The following FREM1 variants were observed in gnomAD, a reference collection of about 807,000 sequenced individuals.
The protein encoded by FREM1 is FRAS1 related extracellular matrix 1.
FREM1 carries 220 observed loss-of-function variants against 210.1 expected under a neutral mutation model. The ratio of observed to expected loss-of-function variants is 1.05; its 90% CI spans 0.94 to 1.17. The LOEUF is 1.17. Among genes scored for constraint, FREM1 ranks in the 50% most tolerant of loss-of-function variants. FREM1 has a pLI of 0.00. For missense variants in FREM1, 3,454 were observed against 2,675.5 expected (o/e 1.29, Z -6.42); for synonymous variants, 1,189 against 980.2 (o/e 1.21, Z -3.98).
chr9:14,824,156 G>T (rs2130819031), intron 11 of FREM1, 41 bp from the exon 12 acceptor site: 3 of 1,301,048 alleles, frequency 2.3e-6, no homozygotes, highest in East Asian at 2.5e-5. Context: ...TCATTTTTAG[G>T]TAAGAAAAAT....
chr9:14,761,609 C>G (rs992170254), intron 27 of FREM1, among the ~76,000 whole-genome samples: 1 of 152,184 alleles, frequency 6.6e-6, no homozygotes, highest in Non-Finnish European at 1.5e-5. Flanking sequence ...CAACCGTGAT[C>G]TGAAAATATT....
At position 14,910,427 on chromosome 9, in the gene FREM1, C is replaced by G. The variant is rs1818528726; in HGVS notation, c.-781G>C. The G allele has an allele frequency of 6.6e-6, 1 of 152,548 alleles. No individual in the cohort carries two copies. The highest frequency in any genetic ancestry group is 1.5e-5 in the Non-Finnish European group (1 of 68,336). 9.4% of individuals were successfully genotyped at this position (152,548 alleles called of 1,614,324 possible). A position where few individuals can be genotyped will look rare whatever the true frequency, so the allele number is the denominator to read the frequency against. On this transcript the variant is annotated 5_prime_UTR_variant, in exon 1 of 37. Coordinates refer to ENST00000380880, the MANE Select transcript of FREM1 (RefSeq NM_001379081.2). ...TTCCTTTCTCACTACTAGTTTTGTACTAACTGCTCCGCCACTCGCCGAGCC... is the reference window on the plus strand; with the variant it reads ...TTCCTTTCTCACTACTAGTTTTGTAGTAACTGCTCCGCCACTCGCCGAGCC...
intron 5 of FREM1, among the ~76,000 whole-genome samples, chr9:14,856,387 T>G (rs1426701172): frequency 6.6e-6 from 1 of 152,222 alleles, no homozygotes; most frequent in African/African-American, 2.4e-5. Context: ...CACAGTTTTT[T>G]TCCAGATCTT....
At chr9:14,883,226 G>C (rs969687119) in intron 1 of FREM1, among the ~76,000 whole-genome samples, 2 of 151,978 alleles carry the variant, frequency 1.3e-5, no homozygotes, top group Non-Finnish European at 2.9e-5. Context: ...ACTAAATTTT[G>C]ATATTTCAAA....
chr9:14,746,488 G>A lies in FREM1; in HGVS notation c.6139-20C>T, dbSNP rs894375964. ...CACATCCTGAAAAACAGTTGTCTGTGTTCATATCATAATGGTCTTTACAAT... is the reference window on the plus strand; with the variant it reads ...CACATCCTGAAAAACAGTTGTCTGTATTCATATCATAATGGTCTTTACAAT... On this transcript the variant is annotated intron_variant, in intron 34 of 36. Coordinates refer to ENST00000380880, the MANE Select transcript of FREM1 (RefSeq NM_001379081.2). 4.4e-6 allele frequency: 7 copies of A among 1,575,298 alleles called. No homozygotes were observed. The highest frequency in any genetic ancestry group is 6.1e-6 in the Non-Finnish European group (7 of 1,144,816).
At chr9:14,768,364 T>G (rs982050291) in intron 27 of FREM1, among the ~76,000 whole-genome samples, 1 of 151,778 alleles carries the variant, frequency 6.6e-6, no homozygotes, top group Non-Finnish European at 1.5e-5. Flanking sequence ...GGAAGATATT[T>G]GTCTGACATT....
intron 27 of FREM1, among the ~76,000 whole-genome samples, chr9:14,761,433 A>G (rs538588211): frequency 3.3e-5 from 5 of 152,326 alleles, no homozygotes; most frequent in African/African-American, 1.2e-4. Context: ...ATAGAATTTT[A>G]AACAAGAAAA....
chr9:14,752,720 G>C (rs1252728525), intron 29 of FREM1, among the ~76,000 whole-genome samples: 1 of 152,096 alleles, frequency 6.6e-6, no homozygotes, highest in Admixed American at 6.6e-5. Context: ...TTAGTACTTG[G>C]AGAACTGTTT....
intron 34 of FREM1, 131 bp downstream of exon 34, chr9:14,746,792 G>T: frequency 8.9e-7 from 1 of 1,119,622 alleles, no homozygotes; most frequent in Non-Finnish European, 1.2e-6. Flanking sequence ...TTTCCTCTTG[G>T]CCTTCAAGTT....
At chr9:14,811,533 G>A (rs992009163) in intron 16 of FREM1, among the ~76,000 whole-genome samples, 6 of 152,128 alleles carry the variant, frequency 3.9e-5, no homozygotes, top group South Asian at 2.1e-4. Context: ...TCAAACATAC[G>A]AACTACGCTC....
intron 3 of FREM1, among the ~76,000 whole-genome samples, chr9:14,861,858 A>G (rs889776427): frequency 6.6e-6 from 1 of 152,140 alleles, no homozygotes; most frequent in Non-Finnish European, 1.5e-5. Flanking sequence ...TAGTTATTTT[A>G]AAATGTGCCA....
At chr9:14,831,882 G>T (rs764253987) in intron 10 of FREM1, among the ~76,000 whole-genome samples, 1 of 152,178 alleles carries the variant, frequency 6.6e-6, no homozygotes, top group African/African-American at 2.4e-5. Context: ...AGTCATGTGC[G>T]GCACATTTAA....
chr9:14,860,123 T>A (rs1829537578), intron 3 of FREM1, among the ~76,000 whole-genome samples: 1 of 152,196 alleles, frequency 6.6e-6, no homozygotes. Flanking sequence ...CTAATTGATG[T>A]GCTCTTATTA....
chr9:14,784,256 T>G (rs1850063708), intron 24 of FREM1, 114 bp downstream of exon 24: 7 of 962,208 alleles, frequency 7.3e-6, no homozygotes, highest in Non-Finnish European at 1.1e-5. Flanking sequence ...AGCGTGATGT[T>G]ATAAGATACA....
chr9:14,771,149 G>A (rs2132510028), intron 25 of FREM1, among the ~76,000 whole-genome samples: 1 of 152,208 alleles, frequency 6.6e-6, no homozygotes, highest in East Asian at 1.9e-4. Flanking sequence ...CATAATAGAA[G>A]CCCAGGGAAT....
chr9:14,777,827 C>A (rs1258418901), intron 24 of FREM1, among the ~76,000 whole-genome samples: 1 of 152,034 alleles, frequency 6.6e-6, no homozygotes, highest in Non-Finnish European at 1.5e-5. Context: ...ACGAGTCAAC[C>A]AGCCTGCCTG....
At chr9:14,906,870 G>A (rs940120) in intron 1 of FREM1, among the ~76,000 whole-genome samples, 120,547 of 152,180 alleles carry the variant, frequency 0.79, 48,270 homozygotes, top group African/African-American at 0.84. Context: ...TCGCTCCCTG[G>A]GCATTTATCT....
intron 32 of FREM1, 56 bp downstream of exon 32, chr9:14,747,625 T>C (rs1842705785): frequency 2.7e-6 from 3 of 1,118,396 alleles, no homozygotes; most frequent in Non-Finnish European, 3.8e-6. Flanking sequence ...AATAGCTTCA[T>C]TAAATACTTG....
At position 14,737,615 on chromosome 9, in the gene FREM1, T is replaced by G. The variant is rs1238781639; in HGVS notation, c.6341-20A>C. The G allele has an allele frequency of 1.3e-6, 2 of 1,486,548 alleles. No individual in the cohort carries two copies. The highest frequency in any genetic ancestry group is 1.4e-5 in the African/African-American group (1 of 71,012). 92.1% of individuals were successfully genotyped at this position (1,486,548 alleles called of 1,614,324 possible). A position where few individuals can be genotyped will look rare whatever the true frequency, so the allele number is the denominator to read the frequency against. On this transcript the variant is annotated intron_variant, in intron 36 of 36. Coordinates refer to ENST00000380880, the MANE Select transcript of FREM1 (RefSeq NM_001379081.2). ...TCAAACCTAATGTGAACCAAAAGAA[T>G]GTACCAATTACTTTTATTGCGTTTA...
Sources: allele counts gnomAD v4.1 joint callset (sites outside exome capture counted in the v4.1 genomes callset), GRCh38; gene constraint gnomAD v4.1.1; transcripts MANE v1.5; gene names NCBI Gene and HGNC (gene_info 2026-07-23, HGNC 2026-07-21).